AASS: variants seen among roughly 807,000 people sequenced by gnomAD.
AASS encodes aminoadipate-semialdehyde synthase.
Under a neutral mutation model 105.4 loss-of-function variants are expected in AASS, and 86 were observed. The ratio of observed to expected loss-of-function variants is 0.82; its 90% confidence interval spans 0.69 to 0.98. The LOEUF is 0.98. Ranked by LOEUF, AASS falls within the 50% of genes least tolerant of loss-of-function variation. The pLI is 0.00. For missense variants in AASS, 1,048 were observed against 1,143.2 expected, an observed-to-expected ratio of 0.92 and a Z score of 1.20; for synonymous variants, 381 against 394.8, an observed-to-expected ratio of 0.96 and a Z score of 0.41.
intron 11 of AASS, among the ~76,000 whole-genome samples, chr7:122,112,404 G>A (rs949498610): frequency 2.0e-4 from 30 of 152,176 alleles, no homozygotes; most frequent in African/African-American, 7.2e-4. Flanking sequence ...TGAAAGAAAA[G>A]AGGATCACAG....
rs1181405368 is a variant in AASS at position 122,091,731 on chromosome 7, T to C, written c.1988A>G (p.Gln663Arg). ...SPVGVLMNVM[Q>R]SATYLLDGKV... is the part of the protein sequence containing the mutation. ...TCCATCGAGCAGATAGGTGGCAGACTGCATTACATTCATCAAAACTCCCAC... is the reference window on the plus strand; with the variant it reads ...TCCATCGAGCAGATAGGTGGCAGACCGCATTACATTCATCAAAACTCCCAC... Residue 663 changes from glutamine (Q) to arginine (R), a missense_variant, in exon 18 of 24, where the codon CAG (glutamine) becomes CGG (arginine). Coordinates refer to ENST00000417368, the MANE Select transcript of AASS (RefSeq NM_005763.4). The C allele has an allele frequency of 6.2e-7, 1 of 1,613,384 alleles. No homozygotes were observed. Among genetic ancestry groups the C allele is most frequent in the Non-Finnish European group, 8.5e-7 (1 of 1,179,632 alleles).
chr7:122,112,040 C>T (rs1477316794), intron 11 of AASS, among the ~76,000 whole-genome samples: 2 of 152,206 alleles, frequency 1.3e-5, no homozygotes, highest in Non-Finnish European at 2.9e-5. Context: ...TCCAGCAAAG[C>T]CTGGCATTTG....
At chr7:122,133,875 G>A in intron 1 of AASS, 134 bp from the exon 2 acceptor site, 1 of 786,066 alleles carries the variant, frequency 1.3e-6, no homozygotes, top group South Asian at 1.5e-5. Context: ...AAGAGGGAAG[G>A]GAAAACTGGG....
chr7:122,090,370 A>G (rs1793837402), intron 18 of AASS, among the ~76,000 whole-genome samples: 1 of 152,108 alleles, frequency 6.6e-6, no homozygotes, highest in African/African-American at 2.4e-5. Context: ...ACCCAGGCAA[A>G]TCAGAATCTT....
intron 18 of AASS, among the ~76,000 whole-genome samples, chr7:122,091,033 A>G (rs1305250691): frequency 6.6e-6 from 1 of 152,070 alleles, no homozygotes; most frequent in Non-Finnish European, 1.5e-5. Context: ...CTATTAAATT[A>G]TAATTACTTA....
At chr7:122,135,827 A>G (rs1796116312) in intron 1 of AASS, among the ~76,000 whole-genome samples, 2 of 152,048 alleles carry the variant, frequency 1.3e-5, no homozygotes, top group African/African-American at 4.8e-5. Flanking sequence ...AAGTGACACT[A>G]GTAAACATTT....
intron 4 of AASS, among the ~76,000 whole-genome samples, chr7:122,119,604 T>C (rs1468643176): frequency 6.6e-6 from 1 of 152,196 alleles, no homozygotes; most frequent in African/African-American, 2.4e-5. Flanking sequence ...TTGTCGTTTT[T>C]CTAAAGTCAA....
chr7:122,121,547 G>A (rs1042841128), intron 4 of AASS, among the ~76,000 whole-genome samples: 2 of 151,882 alleles, frequency 1.3e-5, no homozygotes, highest in Admixed American at 6.6e-5. Context: ...GGCACGCACC[G>A]CCAAGCCCAG....
intron 3 of AASS, among the ~76,000 whole-genome samples, chr7:122,129,048 A>AG (rs1158651826): frequency 1.3e-5 from 2 of 152,188 alleles, no homozygotes; most frequent in African/African-American, 4.8e-5. Flanking sequence ...ACTGCACTCC[A>AG]GCCTGGATGA....
chr7:122,091,835 T>C lies in AASS; in HGVS notation c.1884A>G (p.Ser628=), dbSNP rs184615552. 544 of 1,599,870 alleles carry C rather than the reference T, an allele frequency of 3.4e-4. 2 individuals are homozygous for C. The highest frequency in any genetic ancestry group is 3.3e-4 in the Middle Eastern group (2 of 6,040). Residue 628 remains serine, a synonymous_variant, in exon 18 of 24, where the codon TCA becomes TCG. Transcript: ENST00000417368. The part of the protein sequence containing the change: ...KAKEVGATIE[S]YISYCGGLPA... Reference sequence around the variant, plus strand: ...GAAGCCCACCACAGTAGGAAATATATGATTCAATCTATAAATTAAAGAATC... The same window carrying C: ...GAAGCCCACCACAGTAGGAAATATACGATTCAATCTATAAATTAAAGAATC...
At chr7:122,117,788 C>T (rs1425650950) in intron 6 of AASS, among the ~76,000 whole-genome samples, 5 of 151,742 alleles carry the variant, frequency 3.3e-5, no homozygotes, top group Admixed American at 1.3e-4. Context: ...CCTTAGTAGC[C>T]GGGATTATGG....
intron 4 of AASS, among the ~76,000 whole-genome samples, chr7:122,123,427 T>C (rs1018155422): frequency 6.6e-6 from 1 of 152,240 alleles, no homozygotes. Flanking sequence ...GTCCAATGTC[T>C]GATAACATTG....
chr7:122,112,488 T>C (rs1215599334), intron 11 of AASS, among the ~76,000 whole-genome samples: 1 of 152,150 alleles, frequency 6.6e-6, no homozygotes, highest in East Asian at 1.9e-4. Context: ...AGGGAAGATA[T>C]AGATGAAAAG....
chr7:122,080,200 GT>G (rs990703802), intron 20 of AASS, among the ~76,000 whole-genome samples: 87 of 152,296 alleles, frequency 5.7e-4, no homozygotes, highest in African/African-American at 1.7e-3. Context: ...AGTAGCCATA[GT>G]TTTTTCTACT....
chr7:122,115,062 T>TA lies in AASS; in HGVS notation c.1043+11dup. The TA allele has an allele frequency of 6.2e-7, 1 of 1,614,078 alleles. No homozygotes were observed. The highest frequency in any genetic ancestry group is 8.5e-7 in the Non-Finnish European group (1 of 1,179,982). On this transcript the variant is annotated intron_variant, in intron 9 of 23. Transcript: ENST00000417368. ...GTCAAAACTACTATCGTTGCTGAAG[T>TA]AGAGTCCTTACTTGTGTGGTAATGC... is the stretch of plus-strand genomic sequence containing the variant.
chr7:122,110,006 A>C (rs1408424410), intron 11 of AASS, among the ~76,000 whole-genome samples: 3 of 152,088 alleles, frequency 2.0e-5, no homozygotes, highest in Admixed American at 6.6e-5. Context: ...AAGTAAATCT[A>C]ATGGCTTTAA....
chr7:122,086,242 G>T, intron 18 of AASS, 63 bp from the exon 19 acceptor site: 5 of 1,490,864 alleles, frequency 3.4e-6, no homozygotes, highest in Non-Finnish European at 4.6e-6. Context: ...GGGCTTATCT[G>T]CATTATACGA....
At chr7:122,086,619 A>T (rs1793640243) in intron 18 of AASS, among the ~76,000 whole-genome samples, 1 of 151,886 alleles carries the variant, frequency 6.6e-6, no homozygotes, top group Non-Finnish European at 1.5e-5. Flanking sequence ...AAAAATGTTT[A>T]AAAAATAAAC....
At position 122,076,588 on chromosome 7, in the gene AASS, G is replaced by A. The variant is rs1793025271; in HGVS notation, c.2682C>T (p.Gly894=). Residue 894 remains glycine (G), a synonymous_variant, in exon 24 of 24, where the codon GGC becomes GGT. Transcript: ENST00000417368. The part of the protein sequence containing the change: ...MLLDGEIGAK[G]LMGPFSKEIY... ...TCTCCTTTGAAAAGGGCCCCATTAGGCCTTTGGCTCCAATTTCACCTGGAA... is the reference window on the plus strand; with the variant it reads ...TCTCCTTTGAAAAGGGCCCCATTAGACCTTTGGCTCCAATTTCACCTGGAA... 1.9e-6 allele frequency: 3 copies of A among 1,612,888 alleles called. No homozygotes were observed. In the South Asian group the frequency reaches 3.3e-5, roughly 18 times the overall value.
Sources: gnomAD v4.1 joint callset for allele counts (sites outside exome capture counted in the v4.1 genomes callset) on GRCh38, gnomAD v4.1.1 for gene constraint, MANE v1.5 for transcripts, NCBI Gene and HGNC (gene_info 2026-07-23, HGNC 2026-07-21) for gene names.